Variants in PHF14 observed in about 807,000 individuals in gnomAD.
PHF14 encodes the protein PHD finger protein 14.
PHF14 carries 55 observed loss-of-function variants against 117.9 expected under a neutral mutation model. The observed-to-expected ratio is 0.47, with a 90% CI of 0.38 to 0.58. PHF14 has a LOEUF of 0.58. Among genes scored for constraint, PHF14 ranks in the 20% least tolerant of loss-of-function variants. The pLI, the probability that PHF14 is intolerant of heterozygous loss-of-function variation, is 0.00. For missense variants in PHF14, 978 were observed against 1,122.2 expected (o/e 0.87, Z 1.84); for synonymous variants, 409 against 368.6 (o/e 1.11, Z -1.26).
At chr7:10,994,371 A>G (rs370760663) in intron 4 of PHF14, among the ~76,000 whole-genome samples, 4 of 152,290 alleles carry the variant, frequency 2.6e-5, no homozygotes, top group African/African-American at 9.6e-5. Flanking sequence ...CCCAGGAGGC[A>G]GAGGTTGCAG....
intron 5 of PHF14, among the ~76,000 whole-genome samples, chr7:11,017,451 A>G (rs537044107): frequency 1.3e-5 from 2 of 152,252 alleles, no homozygotes; most frequent in African/African-American, 2.4e-5. Flanking sequence ...GGGTGAGATG[A>G]TATTTCATGA....
At chr7:11,102,629 C>G (rs1353782592) in intron 16 of PHF14, 5 of 1,526,516 alleles carry the variant, frequency 3.3e-6, no homozygotes, top group Non-Finnish European at 4.4e-6. Flanking sequence ...ATTGTCCTTT[C>G]TATAAGCTTG....
rs566476502 is a variant in PHF14, at chr7:11,008,279, A to C, written c.1046-5468A>C. On this transcript the variant is annotated intron_variant, in intron 4 of 17. Coordinates refer to ENST00000634607, the MANE Select transcript of PHF14 (RefSeq NM_001007157.2). ...CAAAAAGATATCCTTAGGAGTGTTC[A>C]CTGGATAGTAGAATATGTTCAAGTT... Among the ~76,000 whole-genome samples the C allele has an allele frequency of 2.0e-3, 309 of 152,294 alleles. 3 individuals are homozygous for C. Among genetic ancestry groups the C allele is most frequent in the African/African-American group, 6.9e-3 (288 of 41,554 alleles).
chr7:11,112,826 A>G (rs186140279), intron 17 of PHF14, among the ~76,000 whole-genome samples: 6 of 152,118 alleles, frequency 3.9e-5, no homozygotes. Context: ...TAATATTTGC[A>G]TATATTTTAT....
At chr7:11,111,912 A>AT (rs1320240660) in intron 17 of PHF14, among the ~76,000 whole-genome samples, 2 of 151,150 alleles carry the variant, frequency 1.3e-5, no homozygotes, top group Non-Finnish European at 2.9e-5. Flanking sequence ...TTCCTTTAAA[A>AT]AAAAAACAAA....
chr7:11,040,955 G>C (rs1004519429), intron 12 of PHF14, among the ~76,000 whole-genome samples, 180 bp downstream of exon 12: 1 of 151,964 alleles, frequency 6.6e-6, no homozygotes, highest in Non-Finnish European at 1.5e-5. Flanking sequence ...GGAGATTTTT[G>C]TTGCTGTTTT....
chr7:11,052,874 T>A (rs994527002), intron 14 of PHF14, among the ~76,000 whole-genome samples: 1 of 152,180 alleles, frequency 6.6e-6, no homozygotes, highest in Admixed American at 6.6e-5. Context: ...AAATCATTTA[T>A]GTTCATGTTT....
intron 4 of PHF14, among the ~76,000 whole-genome samples, chr7:10,996,046 G>A (rs1228564768): frequency 6.6e-6 from 1 of 152,264 alleles, no homozygotes; most frequent in African/African-American, 2.4e-5. Flanking sequence ...GGTGCCAAGA[G>A]TGAGCGAGGG....
At chr7:11,093,587 A>G (rs1413224853) in intron 16 of PHF14, among the ~76,000 whole-genome samples, 1 of 152,182 alleles carries the variant, frequency 6.6e-6, no homozygotes, top group Non-Finnish European at 1.5e-5. Context: ...TGCCTGTGCT[A>G]CTGAAGAAGC....
intron 4 of PHF14, among the ~76,000 whole-genome samples, chr7:10,996,218 C>CTATT (rs1782641316): frequency 6.6e-6 from 1 of 152,128 alleles, no homozygotes; most frequent in Non-Finnish European, 1.5e-5. Context: ...AGGTGGGAAA[C>CTATT]TAGGAAAATA....
intron 16 of PHF14, among the ~76,000 whole-genome samples, chr7:11,100,109 A>T (rs1376175086): frequency 6.6e-6 from 1 of 152,062 alleles, no homozygotes; most frequent in Admixed American, 6.6e-5. Flanking sequence ...TAAATTAAGC[A>T]TTCTGTTTCA....
chr7:11,095,924 A>G (rs562053359), intron 16 of PHF14, among the ~76,000 whole-genome samples: 4 of 152,112 alleles, frequency 2.6e-5, no homozygotes, highest in African/African-American at 7.2e-5. Context: ...CAGGGGATAT[A>G]TCTCTACCTG....
At chr7:11,062,585 G>A in intron 16 of PHF14, 1 of 505,296 alleles carries the variant, frequency 2.0e-6, no homozygotes, top group Non-Finnish European at 2.6e-6. Flanking sequence ...ATAAAGAAAG[G>A]TGAAAAGATG....
intron 16 of PHF14, among the ~76,000 whole-genome samples, chr7:11,080,823 A>G (rs935893725): frequency 2.0e-5 from 3 of 152,194 alleles, no homozygotes; most frequent in African/African-American, 7.2e-5. Context: ...ATCAAGCACA[A>G]AGTCTTGAAT....
intron 17 of PHF14, among the ~76,000 whole-genome samples, chr7:11,143,163 A>G (rs1224519709): frequency 3.3e-5 from 5 of 152,206 alleles, no homozygotes; most frequent in South Asian, 2.1e-4. Flanking sequence ...GTATTGAACT[A>G]TGGTTTATAG....
chr7:11,006,615 G>A lies in PHF14; in HGVS notation c.1046-7132G>A. 6.5e-6 allele frequency: 4 copies of A among 613,946 alleles called. No individual in the cohort carries two copies. In the Admixed American group the frequency reaches 7.4e-5, roughly 11 times the overall value. 38.0% of individuals were successfully genotyped at this position (613,946 alleles called of 1,614,324 possible). On this transcript the variant is annotated intron_variant, in intron 4 of 17. Transcript: ENST00000634607. ...GTTGTTGTCTTCTATCTTCTTCATG[G>A]CAGACTCAGTGGTCAGCAGAAACTT...
At chr7:11,073,526 G>A (rs1785705183) in intron 16 of PHF14, among the ~76,000 whole-genome samples, 1 of 152,174 alleles carries the variant, frequency 6.6e-6, no homozygotes, top group African/African-American at 2.4e-5. Context: ...AGCCCCCTTG[G>A]CTGCTCTCAT....
chr7:11,060,397 G>A (rs1339196421), intron 14 of PHF14, among the ~76,000 whole-genome samples: 1 of 152,216 alleles, frequency 6.6e-6, no homozygotes, highest in African/African-American at 2.4e-5. Context: ...TAAAGGGCAA[G>A]AGTGGCACAG....
intron 12 of PHF14, among the ~76,000 whole-genome samples, chr7:11,041,577 C>T (rs1334199678): frequency 6.6e-6 from 1 of 151,822 alleles, no homozygotes; most frequent in Non-Finnish European, 1.5e-5. Flanking sequence ...TCCATAACTA[C>T]CTTCTGTTTT....
Sources: allele counts gnomAD v4.1 joint callset (sites outside exome capture counted in the v4.1 genomes callset), GRCh38; gene constraint gnomAD v4.1.1; transcripts MANE v1.5; gene names NCBI Gene and HGNC (gene_info 2026-07-23, HGNC 2026-07-21).